RNPEPL1: variants seen among roughly 807,000 people sequenced by gnomAD.
RNPEPL1 encodes arginyl aminopeptidase like 1.
RNPEPL1 carries 46 observed loss-of-function variants against 69.0 expected under a neutral mutation model. That is an observed-to-expected ratio of 0.67 (90% CI 0.53 to 0.85). RNPEPL1 has a LOEUF of 0.85. RNPEPL1 is among the 40% of genes least tolerant of loss of function. RNPEPL1 has a pLI of 0.00. For missense variants in RNPEPL1, 869 were observed against 992.5 expected, an observed-to-expected ratio of 0.88 and a Z score of 1.67; for synonymous variants, 525 against 454.1, an observed-to-expected ratio of 1.16 and a Z score of -1.98.
intron 1 of RNPEPL1, among the ~76,000 whole-genome samples, chr2:240,572,145 C>T (rs920671954): frequency 7.9e-5 from 12 of 152,246 alleles, no homozygotes; most frequent in African/African-American, 2.4e-4. Flanking sequence ...CTGGGAGATG[C>T]CCCTATCGGC....
chr2:240,572,665 C>T (rs2093025305), intron 2 of RNPEPL1, 102 bp downstream of exon 2: 2 of 1,411,516 alleles, frequency 1.4e-6, no homozygotes, highest in South Asian at 1.3e-5. Flanking sequence ...GTGGCCCCAG[C>T]TGCCAGCAGG....
At chr2:240,576,383 C>G in intron 8 of RNPEPL1, 152 bp from the exon 9 acceptor site, 1 of 668,234 alleles carries the variant, frequency 1.5e-6, no homozygotes, top group South Asian at 1.9e-5. Context: ...GCAGTGCTGG[C>G]TGGAGCTGAC....
Position 240,577,856 on chromosome 2 carries a change from T to C in RNPEPL1, c.2142T>C (p.Ser714=). The C allele has an allele frequency of 7.0e-6, 11 of 1,579,188 alleles. No individual in the cohort carries two copies. Among genetic ancestry groups the C allele is most frequent in the Non-Finnish European group, 9.5e-6 (11 of 1,157,806 alleles). ...TGCTTGGGGACGAGGCCCCCAGCAG[T>C]GCCATCTCTCTCAGGGACGTCAATG... The part of the protein sequence containing the change: ...ALLLGDEAPS[S]AISLRDVNVS... The change falls in exon 11 of 11, where the codon AGT becomes AGC. Residue 714 remains serine, a synonymous_variant. Transcript: ENST00000270357.
In RNPEPL1 at chr2:240,580,542, T is replaced by C. The variant is rs1462079091; in HGVS notation, c.*2650T>C. The C allele has an allele frequency of 1.3e-5, 2 of 152,296 alleles. No individual in the cohort carries two copies. The highest frequency in any genetic ancestry group is 1.3e-4 in the Admixed American group (2 of 15,280). The allele number at this position is 152,296 out of a possible 1,614,324, so 9.4% of individuals were successfully genotyped here. On this transcript the variant is annotated 3_prime_UTR_variant, in exon 11 of 11. Coordinates refer to ENST00000270357, the MANE Select transcript of RNPEPL1 (RefSeq NM_018226.6). ...CAGGGGAAGGGGGGATTCTCTTCAA[T>C]GTGACCACTCTCGGACCCGTACCGA...
At position 240,575,606 on chromosome 2, in the gene RNPEPL1, G is replaced by A; in HGVS notation, c.1506G>A (p.Arg502=). The A allele has an allele frequency of 6.2e-7, 1 of 1,612,798 alleles. No homozygotes were observed. The highest frequency in any genetic ancestry group is 8.5e-7 in the Non-Finnish European group (1 of 1,179,660). ...TGAAGGAGCAGAGCGTGGACTGCCGGGCAGGTGAGGCTGACCCCCAACCCT... is the reference window on the plus strand; with the variant it reads ...TGAAGGAGCAGAGCGTGGACTGCCGAGCAGGTGAGGCTGACCCCCAACCCT... ...PELKEQSVDC[R]AGLEFERWLN... is the part of the protein sequence containing the mutation. Residue 502 remains arginine, a synonymous_variant, in exon 8 of 11, where the codon CGG becomes CGA. Coordinates refer to ENST00000270357, the MANE Select transcript of RNPEPL1 (RefSeq NM_018226.6).
At chr2:240,569,241 G>T in intron 1 of RNPEPL1, 127 bp downstream of exon 1, 1 of 1,081,532 alleles carries the variant, frequency 9.2e-7, no homozygotes, top group Non-Finnish European at 1.2e-6. Context: ...CCCCACCCCG[G>T]TGATTCCCAG....
rs1206192286 is a variant in RNPEPL1 at position 240,568,869 on chromosome 2, G to A, written c.283G>A (p.Ala95Thr). Residue 95 changes from alanine (A) to threonine (T), a missense_variant, in exon 1 of 11, where the codon GCC becomes ACC. Physicochemically the swap from Ala to Thr is moderately conservative, Grantham distance 58 (BLOSUM62 0). Around this residue, in one of 2 missense-constraint regions of RNPEPL1, gnomAD observed 259 missense variants for 201.5 expected, o/e 1.29. Coordinates refer to ENST00000270357, the MANE Select transcript of RNPEPL1 (RefSeq NM_018226.6). The surrounding 1 kb of genome is among the most constrained non-coding windows in gnomAD (Gnocchi z 6.2). Reference sequence around the variant, plus strand: ...CTCAGCCGCCTTCCGTCGCGCCCCCGCCGCCGCCGCCGAGACGCCCTGCGC... The same window carrying A: ...CTCAGCCGCCTTCCGTCGCGCCCCCACCGCCGCCGCCGAGACGCCCTGCGC... ...LHSAAFRRAP[A>T]AAAETPCAFA... The A allele has an allele frequency of 7.7e-6, 9 of 1,172,820 alleles. No homozygotes were observed. Among genetic ancestry groups the A allele is most frequent in the Non-Finnish European group, 8.4e-6 (8 of 946,866 alleles). 72.7% of individuals were successfully genotyped at this position (1,172,820 alleles called of 1,614,324 possible). A position where few individuals can be genotyped will look rare whatever the true frequency, so the allele number is the denominator to read the frequency against.
intron 6 of RNPEPL1, 179 bp downstream of exon 6, chr2:240,574,807 C>T (rs931475877): frequency 8.7e-5 from 58 of 667,406 alleles, no homozygotes; most frequent in African/African-American, 4.1e-4. Context: ...CCACAGCCAC[C>T]GCCGCTTCCC....
At chr2:240,574,467 C>A (rs369025574) in intron 5 of RNPEPL1, 48 bp from the exon 6 acceptor site, 1 of 1,560,834 alleles carries the variant, frequency 6.4e-7, no homozygotes, top group Non-Finnish European at 8.7e-7. Flanking sequence ...CTTCCCCCGA[C>A]GACCCCTACA....
At position 240,568,522 on chromosome 2, in the gene RNPEPL1, C is replaced by T; in HGVS notation, c.-65C>T. The T allele has an allele frequency of 1.3e-6, 1 of 796,252 alleles. No homozygotes were observed. The highest frequency in any genetic ancestry group is 1.5e-6 in the Non-Finnish European group (1 of 660,950). The allele number at this position is 796,252 out of a possible 1,614,324, so 49.3% of individuals were successfully genotyped here. On this transcript the variant is annotated 5_prime_UTR_variant, in exon 1 of 11. Transcript: ENST00000270357. This position sits in a 1 kb window ranked among gnomAD's most constrained non-coding sequence, Gnocchi z 6.2. ...GCCCGCGCCCCGCCGCCGCCGCCGCCCGGCGCCCCTCGCCCGCGGCCCGGC... is the reference window on the plus strand; with the variant it reads ...GCCCGCGCCCCGCCGCCGCCGCCGCTCGGCGCCCCTCGCCCGCGGCCCGGC...
At chr2:240,573,361 C>T (rs1047578134) in intron 3 of RNPEPL1, 100 bp downstream of exon 3, 31 of 1,359,430 alleles carry the variant, frequency 2.3e-5, no homozygotes, top group Admixed American at 1.3e-4. Context: ...GCTGAGGACC[C>T]CCACTGGCCT....
In RNPEPL1 at chr2:240,577,109, C is replaced by A. The variant is rs1313904129; in HGVS notation, c.1884+119C>A. On this transcript the variant is annotated intron_variant, in intron 10 of 10. Coordinates refer to ENST00000270357, the MANE Select transcript of RNPEPL1 (RefSeq NM_018226.6). ...GCCAGGCACATTCTGGAGAATGGGG[C>A]GGGGAAGACGTAGGGGTCTGTTGGG... 7 of 1,312,380 alleles carry A rather than the reference C, an allele frequency of 5.3e-6. No homozygotes were observed. The East Asian group carries it at 1.4e-4, about 27-fold the overall frequency. The allele number at this position is 1,312,380 out of a possible 1,614,324, so 81.3% of individuals were successfully genotyped here.
At position 240,580,071 on chromosome 2, in the gene RNPEPL1, C is replaced by T. The variant is rs2093048681; in HGVS notation, c.*2179C>T. The T allele has an allele frequency of 1.3e-5, 2 of 152,326 alleles. No individual in the cohort carries two copies. The highest frequency in any genetic ancestry group is 2.4e-5 in the African/African-American group (1 of 41,462). The allele number at this position is 152,326 out of a possible 1,614,324, so 9.4% of individuals were successfully genotyped here. A position where few individuals can be genotyped will look rare whatever the true frequency, so the allele number is the denominator to read the frequency against. On this transcript the variant is annotated 3_prime_UTR_variant, in exon 11 of 11. Transcript: ENST00000270357. ...GGATGGCACCCTCACCACAATCTGT[C>T]TTGGCTCTGTGCCCGCCCGTGGGGT...
intron 2 of RNPEPL1, 95 bp downstream of exon 2, chr2:240,572,658 G>T: frequency 2.1e-6 from 3 of 1,441,214 alleles, no homozygotes; most frequent in Non-Finnish European, 2.8e-6. Flanking sequence ...CTGGGCTGTG[G>T]CCCCAGCTGC....
At chr2:240,575,219 C>A in intron 7 of RNPEPL1, 77 bp downstream of exon 7, 1 of 1,181,402 alleles carries the variant, frequency 8.5e-7, no homozygotes, top group Admixed American at 1.7e-5. Context: ...GCTGCCTGCT[C>A]TTGCGGCAGT....
chr2:240,573,722 G>A, intron 3 of RNPEPL1, 53 bp from the exon 4 acceptor site: 1 of 1,422,910 alleles, frequency 7.0e-7, no homozygotes. Context: ...GCCTGGTGGG[G>A]TGAGCGGGGC....
At chr2:240,572,991 C>A in intron 2 of RNPEPL1, 119 bp from the exon 3 acceptor site, 1 of 1,193,740 alleles carries the variant, frequency 8.4e-7, no homozygotes, top group Non-Finnish European at 1.1e-6. Flanking sequence ...CAGAAACGTT[C>A]CCTGATGGGG....
intron 1 of RNPEPL1, among the ~76,000 whole-genome samples, chr2:240,572,153 G>A (rs375885458): frequency 3.3e-5 from 5 of 152,220 alleles, no homozygotes; most frequent in Non-Finnish European, 5.9e-5. Flanking sequence ...TGCCCCTATC[G>A]GCTACCTGAC....
chr2:240,572,383 A>G lies in RNPEPL1; in HGVS notation c.529-40A>G, dbSNP rs1199399672. 2.0e-6 allele frequency: 3 copies of G among 1,532,546 alleles called. No homozygotes were observed. The South Asian group carries it at 3.6e-5, about 18-fold the overall frequency. 94.9% of individuals were successfully genotyped at this position (1,532,546 alleles called of 1,614,324 possible). On this transcript the variant is annotated intron_variant, in intron 1 of 10. Transcript: ENST00000270357. ...CCCAGTGGCTAGGGCCCAGCACCCT[A>G]GCTGGGTGGCCGTCTGCTGATGGGC...
Sources: allele counts gnomAD v4.1 joint callset (sites outside exome capture counted in the v4.1 genomes callset), GRCh38; gene constraint gnomAD v4.1.1; regional missense constraint gnomAD v4.1.1; non-coding constraint Gnocchi (gnomAD v3.1); transcripts MANE v1.5; gene names NCBI Gene and HGNC (gene_info 2026-07-23, HGNC 2026-07-21).